SLC5A4: variants seen among roughly 807,000 people sequenced by gnomAD.
The protein encoded by SLC5A4 is probable glucose sensor protein SLC5A4.
Under a neutral mutation model 70.3 loss-of-function variants are expected in SLC5A4, and 55 were observed. The ratio of observed to expected loss-of-function variants is 0.78; its 90% CI spans 0.63 to 0.98. SLC5A4 has a LOEUF of 0.98. Ranked by LOEUF, SLC5A4 falls within the 50% of genes least tolerant of loss-of-function variation. SLC5A4 has a pLI of 0.00. For missense variants in SLC5A4, 735 were observed against 839.2 expected (o/e 0.88, Z 1.53); for synonymous variants, 268 against 305.7 (o/e 0.88, Z 1.29).
chr22:32,309,834 G>A, the SLC5A4 span, among the ~76,000 whole-genome samples: 2 of 151,864 alleles, frequency 1.3e-5, no homozygotes, highest in African/African-American at 4.8e-5. Flanking sequence ...CCTGCGGGAA[G>A]GAGGGTGCTG....
At chr22:32,229,150 G>C (rs752459330) in intron 11 of SLC5A4, 44 bp downstream of exon 11, 1 of 1,587,164 alleles carries the variant, frequency 6.3e-7, no homozygotes, top group Non-Finnish European at 8.6e-7. Flanking sequence ...TTCTACGTCT[G>C]TACTTCTCCA....
At chr22:32,285,323 T>A in the SLC5A4 span, among the ~76,000 whole-genome samples, 4 of 152,166 alleles carry the variant, frequency 2.6e-5, no homozygotes, top group African/African-American at 9.7e-5. Flanking sequence ...ATAGATATTT[T>A]CAGATTGCTT....
chr22:32,300,583 C>T, the SLC5A4 span, among the ~76,000 whole-genome samples: 200 of 151,280 alleles, frequency 1.3e-3, no homozygotes, highest in East Asian at 0.02. Flanking sequence ...GAGATGAACC[C>T]GGTACCTCAG....
At chr22:32,270,867 C>T in the SLC5A4 span, 13 of 550,426 alleles carry the variant, frequency 2.4e-5, no homozygotes, top group South Asian at 8.5e-5. Flanking sequence ...CACAAGCCCC[C>T]GCTGCACCAT....
At chr22:32,227,544 T>C (rs1006025247) in intron 11 of SLC5A4, among the ~76,000 whole-genome samples, 4 of 152,202 alleles carry the variant, frequency 2.6e-5, no homozygotes, top group Non-Finnish European at 4.4e-5. Flanking sequence ...GTAGACAAAT[T>C]CTGATATCTT....
chr22:32,281,264 G>A, the SLC5A4 span, among the ~76,000 whole-genome samples: 15 of 152,182 alleles, frequency 9.9e-5, no homozygotes, highest in South Asian at 2.1e-4. Flanking sequence ...AAGGTGGGAC[G>A]TCCAGCTGCG....
At chr22:32,283,689 G>C in the SLC5A4 span, among the ~76,000 whole-genome samples, 3 of 152,182 alleles carry the variant, frequency 2.0e-5, no homozygotes, top group African/African-American at 7.2e-5. Context: ...AATGAGGTAA[G>C]ATAATTAGGA....
At chr22:32,271,739 G>A in the SLC5A4 span, 1 of 587,880 alleles carries the variant, frequency 1.7e-6, no homozygotes, top group Non-Finnish European at 3.2e-6. Flanking sequence ...GTTCCACAAT[G>A]TCAACTGTCC....
At chr22:32,337,349 G>A in the SLC5A4 span, among the ~76,000 whole-genome samples, 898 of 152,152 alleles carry the variant, frequency 5.9e-3, 6 homozygotes, top group Non-Finnish European at 7.3e-3. Context: ...CCTGGGCAAC[G>A]TGGCAAAACT....
the SLC5A4 span, chr22:32,327,299 C>T: frequency 3.3e-5 from 5 of 152,260 alleles, no homozygotes; most frequent in African/African-American, 4.8e-5. Context: ...AGGCTGATGA[C>T]TATCACTGGG....
chr22:32,315,570 A>C, the SLC5A4 span, among the ~76,000 whole-genome samples: 1 of 152,178 alleles, frequency 6.6e-6, no homozygotes, highest in South Asian at 2.1e-4. Flanking sequence ...ATATCATGTC[A>C]TATTATAATT....
the SLC5A4 span, chr22:32,270,253 C>A: frequency 1.4e-6 from 1 of 713,596 alleles, no homozygotes; most frequent in Middle Eastern, 2.8e-4. Context: ...CATGGGTGAG[C>A]CTGCCTTCCT....
chr22:32,235,885 G>A (rs761917712), intron 7 of SLC5A4, among the ~76,000 whole-genome samples: 1 of 152,204 alleles, frequency 6.6e-6, no homozygotes, highest in Non-Finnish European at 1.5e-5. Flanking sequence ...CTAGGATCAT[G>A]TGCAAAATAA....
At position 32,239,552 on chromosome 22, in the gene SLC5A4, A is replaced by ATATT. The variant is rs1926314991; in HGVS notation, c.478-463_478-462insAATA. On this transcript the variant is annotated intron_variant, in intron 5 of 14. Coordinates refer to ENST00000266086, the MANE Select transcript of SLC5A4 (RefSeq NM_014227.3). Reference sequence around the variant, plus strand: ...TATATATATATATATATATATATATATATATATATATATATATTTATATAT... The same window carrying ATATT: ...TATATATATATATATATATATATATATATTTATATATATATATATATTTATATAT... 2.0e-4 allele frequency among the ~76,000 whole-genome samples: 3 copies of ATATT among 15,156 alleles called. No individual in the cohort carries two copies. In the Admixed American group the frequency reaches 2.4e-3, roughly 12 times the overall value. 9.9% of individuals were successfully genotyped at this position (15,156 alleles called of 152,430 possible).
chr22:32,343,139 A>G, the SLC5A4 span: 1 of 152,222 alleles, frequency 6.6e-6, no homozygotes, highest in South Asian at 2.1e-4. Flanking sequence ...GTCATCTCAA[A>G]CTGTGAAATA....
chr22:32,238,811 T>G (rs1926211032), intron 6 of SLC5A4, among the ~76,000 whole-genome samples, 174 bp downstream of exon 6: 1 of 152,152 alleles, frequency 6.6e-6, no homozygotes, highest in Non-Finnish European at 1.5e-5. Context: ...ATATGGAGGA[T>G]TCTGTGTTGT....
chr22:32,251,134 CAACA>C (rs1347703389), intron 3 of SLC5A4, among the ~76,000 whole-genome samples: 1 of 33,580 alleles, frequency 3.0e-5, no homozygotes, highest in Non-Finnish European at 5.6e-5. Context: ...AAGAAGACAA[CAACA>C]AACAAATAAG....
the SLC5A4 span, among the ~76,000 whole-genome samples, chr22:32,306,810 T>C: frequency 4.8e-4 from 73 of 152,174 alleles, no homozygotes; most frequent in Non-Finnish European, 1.5e-4. Flanking sequence ...GACCGCTTGG[T>C]TATTTGACTA....
At chr22:32,252,125 G>A (rs1927202215) in intron 2 of SLC5A4, among the ~76,000 whole-genome samples, 1 of 151,956 alleles carries the variant, frequency 6.6e-6, no homozygotes, top group Non-Finnish European at 1.5e-5. Context: ...TGCTGCTCTG[G>A]AGGCTGAGGC....
Sources: allele counts gnomAD v4.1 joint callset (sites outside exome capture counted in the v4.1 genomes callset), GRCh38; gene constraint gnomAD v4.1.1; transcripts MANE v1.5; gene names NCBI Gene and HGNC (gene_info 2026-07-23, HGNC 2026-07-21).